Variants in PHLDB2 observed in about 807,000 individuals in gnomAD.
The protein encoded by PHLDB2 is pleckstrin homology like domain family B member 2.
Under a neutral mutation model 123.6 loss-of-function variants are expected in PHLDB2, and 71 were observed. The observed-to-expected ratio is 0.57, with a 90% CI of 0.47 to 0.70. The LOEUF is 0.70. Among genes scored for constraint, PHLDB2 ranks in the 30% least tolerant of loss-of-function variants. The pLI, the probability that PHLDB2 is intolerant of heterozygous loss-of-function variation, is 0.00. For missense variants in PHLDB2, 1,446 were observed against 1,519.5 expected (o/e 0.95, Z 0.80); for synonymous variants, 547 against 541.6 (o/e 1.01, Z -0.14).
Position 111,919,190 on chromosome 3 carries a change from A to G in PHLDB2, c.1838A>G (p.Asp613Gly). Reference sequence around the variant, plus strand: ...AAGCAAAAAATCAAAGACATAAATGATCAGATGGATGAGTCTTTCAGAGAG... The same window carrying G: ...AAGCAAAAAATCAAAGACATAAATGGTCAGATGGATGAGTCTTTCAGAGAG... ...ELKQKIKDINDQMDESFRELD... is the reference protein window; with the variant it reads ...ELKQKIKDINGQMDESFRELD... Residue 613 changes from aspartate to glycine, a missense_variant, in exon 4 of 18, where the codon GAT (aspartate) becomes GGT (glycine). By Grantham distance (94) the Asp-to-Gly change is moderately conservative. Coordinates refer to ENST00000431670, the MANE Select transcript of PHLDB2 (RefSeq NM_001134438.2). The G allele has an allele frequency of 6.2e-7, 1 of 1,614,178 alleles. No individual in the cohort carries two copies. Among genetic ancestry groups the G allele is most frequent in the Non-Finnish European group, 8.5e-7 (1 of 1,179,988 alleles).
At chr3:111,889,606 G>A (rs940985132) in intron 2 of PHLDB2, among the ~76,000 whole-genome samples, 4 of 152,124 alleles carry the variant, frequency 2.6e-5, no homozygotes, top group Non-Finnish European at 5.9e-5. Flanking sequence ...GGAGGCTGAG[G>A]TGGCAGTATT....
intron 1 of PHLDB2, among the ~76,000 whole-genome samples, chr3:111,745,964 C>T (rs1437372979): frequency 6.6e-6 from 1 of 152,122 alleles, no homozygotes; most frequent in Non-Finnish European, 1.5e-5. Context: ...CACGAAGAAG[C>T]AGGAACAACA....
At position 111,884,150 on chromosome 3, in the gene PHLDB2, C is replaced by T; in HGVS notation, c.73C>T (p.His25Tyr). Residue 25 changes from histidine (H) to tyrosine (Y), a missense_variant, in exon 2 of 18, where the codon CAT becomes TAT. Physicochemically the swap from His to Tyr is moderately conservative, Grantham distance 83 (BLOSUM62 2). Transcript: ENST00000431670. ...TAGCTTAGAGGAAGACTCTGTGGTG[C>T]ATTCTGTTGAGAACGATTCCCAAAA... ...NGSLEEDSVV[H>Y]SVENDSQNMM... The T allele has an allele frequency of 6.2e-7, 1 of 1,614,116 alleles. No individual in the cohort carries two copies.
At chr3:111,756,206 C>G (rs568499675) in intron 1 of PHLDB2, among the ~76,000 whole-genome samples, 1 of 151,528 alleles carries the variant, frequency 6.6e-6, no homozygotes, top group South Asian at 2.1e-4. Flanking sequence ...TCCTGGGTAT[C>G]CTTGTTAACT....
chr3:111,919,120 A>G lies in PHLDB2; in HGVS notation c.1768A>G (p.Met590Val), dbSNP rs749511289. The part of the protein sequence containing the change: ...EEQRSQELAA[M>V]EETRIVILNN... ...ACAGAGATCTCAGGAGTTGGCTGCA[A>G]TGGAAGAAACCCGGATAGTCATTCT... The change falls in exon 4 of 18, where the codon ATG becomes GTG. Residue 590 changes from methionine (M) to valine (V), a missense_variant. Transcript: ENST00000431670. 3.2e-5 allele frequency: 52 copies of G among 1,614,016 alleles called. No individual in the cohort carries two copies. The highest frequency in any genetic ancestry group is 8.8e-5 in the South Asian group (8 of 91,088).
chr3:111,923,422 A>G (rs2068636678), intron 5 of PHLDB2, among the ~76,000 whole-genome samples: 1 of 152,104 alleles, frequency 6.6e-6, no homozygotes, highest in Admixed American at 6.5e-5. Flanking sequence ...ATCTGAACTC[A>G]GTTCTCTTGT....
chr3:111,968,534 G>C (rs2071955668), intron 15 of PHLDB2, among the ~76,000 whole-genome samples: 1 of 152,172 alleles, frequency 6.6e-6, no homozygotes, highest in Non-Finnish European at 1.5e-5. Flanking sequence ...GTTTTGTTAA[G>C]TACTATGTAA....
chr3:111,912,252 GT>G (rs2107500872), intron 2 of PHLDB2, among the ~76,000 whole-genome samples: 1 of 152,286 alleles, frequency 6.6e-6, no homozygotes, highest in South Asian at 2.1e-4. Flanking sequence ...ATTATATCCT[GT>G]TGCTCACAAA....
chr3:111,829,971 C>A (rs1334995546), intron 1 of PHLDB2, among the ~76,000 whole-genome samples: 1 of 119,758 alleles, frequency 8.4e-6, no homozygotes, highest in African/African-American at 4.7e-5. Context: ...CACACACACA[C>A]AGCAAAACCA....
Position 111,885,113 on chromosome 3 carries a change from A to G in PHLDB2, c.1036A>G (p.Thr346Ala). The G allele has an allele frequency of 6.2e-7, 1 of 1,613,748 alleles. No individual in the cohort carries two copies. Among genetic ancestry groups the G allele is most frequent in the Non-Finnish European group, 8.5e-7 (1 of 1,179,938 alleles). Residue 346 changes from threonine to alanine, a missense_variant, in exon 2 of 18, where the codon ACC becomes GCC. Physicochemically the swap from Thr to Ala is moderately conservative, Grantham distance 58 (BLOSUM62 0). This residue lies in a region of PHLDB2 where 832 missense variants were observed against 831.9 expected (regional missense o/e 1.00). Coordinates refer to ENST00000431670, the MANE Select transcript of PHLDB2 (RefSeq NM_001134438.2). The part of the protein sequence containing the change: ...RVARKMLLAS[T>A]SSCASDDFDQ... ...GGCTCGGAAGATGCTTCTGGCCTCC[A>G]CCTCCTCCTGTGCCTCTGATGACTT...
At chr3:111,796,279 G>A (rs1250875533) in intron 1 of PHLDB2, among the ~76,000 whole-genome samples, 1 of 152,182 alleles carries the variant, frequency 6.6e-6, no homozygotes, top group African/African-American at 2.4e-5. Flanking sequence ...CAAAGTAAAT[G>A]AAACCTAAAA....
intron 2 of PHLDB2, among the ~76,000 whole-genome samples, chr3:111,887,621 G>GA (rs1339008121): frequency 2.0e-5 from 3 of 152,130 alleles, no homozygotes; most frequent in East Asian, 1.9e-4. Flanking sequence ...TTTTCCCCCT[G>GA]AAAAAATAAA....
At chr3:111,966,527 GGTGTGT>G (rs3217516) in intron 13 of PHLDB2, 80 bp from the exon 14 acceptor site, 141 of 617,712 alleles carry the variant, frequency 2.3e-4, no homozygotes, top group East Asian at 1.1e-3. Context: ...GTGTGTCTGG[GGTGTGT>G]GTGTGTGTGT....
chr3:111,809,889 T>C (rs2061753356), intron 1 of PHLDB2, among the ~76,000 whole-genome samples: 1 of 152,212 alleles, frequency 6.6e-6, no homozygotes, highest in African/African-American at 2.4e-5. Flanking sequence ...TTATGCAAGA[T>C]GAAGACGTTC....
intron 12 of PHLDB2, among the ~76,000 whole-genome samples, chr3:111,954,947 C>T (rs1297077490): frequency 6.6e-6 from 1 of 152,116 alleles, no homozygotes; most frequent in Non-Finnish European, 1.5e-5. Flanking sequence ...ATCCTCCCCT[C>T]TAAGCAGGCT....
intron 1 of PHLDB2, among the ~76,000 whole-genome samples, chr3:111,793,992 A>G (rs901105138): frequency 3.3e-5 from 5 of 151,644 alleles, no homozygotes; most frequent in African/African-American, 1.2e-4. Context: ...GGGTAACTCA[A>G]GCACTACCTT....
chr3:111,913,788 C>G (rs1021178145), intron 3 of PHLDB2, 86 bp downstream of exon 3: 98 of 1,404,808 alleles, frequency 7.0e-5, no homozygotes, highest in Non-Finnish European at 9.2e-5. Context: ...TTTTATCATG[C>G]TAATTATCCA....
intron 1 of PHLDB2, among the ~76,000 whole-genome samples, chr3:111,881,589 A>T (rs1230581454): frequency 1.3e-5 from 2 of 152,294 alleles, no homozygotes; most frequent in Non-Finnish European, 2.9e-5. Flanking sequence ...TACTACAGTT[A>T]ATTTTATGCA....
intron 1 of PHLDB2, among the ~76,000 whole-genome samples, chr3:111,839,356 T>C (rs1475870328): frequency 6.6e-6 from 1 of 152,186 alleles, no homozygotes; most frequent in Non-Finnish European, 1.5e-5. Flanking sequence ...TTGATTCTTG[T>C]GTATTGGTTA....
Sources: allele counts gnomAD v4.1 joint callset (sites outside exome capture counted in the v4.1 genomes callset), GRCh38; gene constraint gnomAD v4.1.1; regional missense constraint gnomAD v4.1.1; transcripts MANE v1.5; gene names NCBI Gene and HGNC (gene_info 2026-07-23, HGNC 2026-07-21).